The following ITGA9 variants were observed in gnomAD, a reference collection of about 807,000 sequenced individuals.
ITGA9 encodes the protein integrin subunit alpha 9, also known as integrin alpha-9.
A neutral mutation model predicts 127.8 loss-of-function variants in ITGA9; 56 were observed. The ratio of observed to expected loss-of-function variants is 0.44; its 90% CI spans 0.35 to 0.55. The LOEUF (loss-of-function observed/expected upper bound fraction) is 0.55, where lower values mean the gene tolerates loss of function less well. Ranked by LOEUF, ITGA9 falls within the 20% of genes least tolerant of loss-of-function variation. The probability of loss-of-function intolerance (pLI) is 0.00; values close to 1 mark genes in which losing one functional copy is unlikely to be tolerated. For missense variants in ITGA9, 1,196 were observed against 1,347.1 expected (o/e 0.89, Z 1.76); for synonymous variants, 508 against 514.5 (o/e 0.99, Z 0.17).
At chr3:37,758,329 C>A (rs1303280274) in intron 23 of ITGA9, among the ~76,000 whole-genome samples, 23 of 65,986 alleles carry the variant, frequency 3.5e-4, no homozygotes, top group East Asian at 3.0e-3. Flanking sequence ...GACTCCGTCT[C>A]AAAAAAAAAA....
At position 37,508,593 on chromosome 3, in the gene ITGA9, C is replaced by T. The variant is rs768227359; in HGVS notation, c.863C>T (p.Thr288Ile). 1 of 1,613,620 alleles carries T rather than the reference C, an allele frequency of 6.2e-7. No individual in the cohort carries two copies. The highest frequency in any genetic ancestry group is 8.5e-7 in the Non-Finnish European group (1 of 1,179,834). Residue 288 changes from threonine (T) to isoleucine (I), a missense_variant, in exon 8 of 28, where the codon ACC becomes ATC. Physicochemically the swap from Thr to Ile is moderately conservative, Grantham distance 89. Transcript: ENST00000264741. ...YIFRADRRSG[T>I]LIKIFQASGK... ...TTCAGAGCTGACCGAAGATCAGGCA[C>T]CTTAATTAAGATCTTTCAAGCATCA...
chr3:37,520,836 G>A (rs1313734581), intron 11 of ITGA9, among the ~76,000 whole-genome samples: 1 of 152,182 alleles, frequency 6.6e-6, no homozygotes, highest in African/African-American at 2.4e-5. Flanking sequence ...AGCGGTCAGG[G>A]TCATTCTCCA....
At chr3:37,591,476 T>TTGGGGAGC (rs1261874838) in intron 15 of ITGA9, among the ~76,000 whole-genome samples, 3 of 151,950 alleles carry the variant, frequency 2.0e-5, no homozygotes, top group Admixed American at 1.3e-4. Context: ...GCTGCCAGAG[T>TTGGGGAGC]TGGGGAGCTG....
At chr3:37,767,941 C>A (rs202160341) in intron 23 of ITGA9, among the ~76,000 whole-genome samples, 1 of 152,124 alleles carries the variant, frequency 6.6e-6, no homozygotes, top group East Asian at 1.9e-4. Flanking sequence ...AATCTAAGAT[C>A]ATTATTGCTG....
chr3:37,461,272 G>T (rs1698313749), intron 1 of ITGA9, among the ~76,000 whole-genome samples: 1 of 152,338 alleles, frequency 6.6e-6, no homozygotes, highest in Non-Finnish European at 1.5e-5. Flanking sequence ...GGCCAAGAGA[G>T]TGGGCTCCAG....
intron 5 of ITGA9, among the ~76,000 whole-genome samples, chr3:37,502,750 C>T (rs898003679): frequency 6.6e-6 from 1 of 152,150 alleles, no homozygotes; most frequent in African/African-American, 2.4e-5. Context: ...CGCATCAGGT[C>T]GGGGGAGTTG....
In ITGA9 at chr3:37,678,365, A is replaced by G. The variant is rs1050754738; in HGVS notation, c.1917-5500A>G. 3.3e-5 allele frequency among the ~76,000 whole-genome samples: 5 copies of G among 152,274 alleles called. No homozygotes were observed. In the East Asian group the frequency reaches 9.7e-4, roughly 29 times the overall value. ...CTGTTTTTTTGATAGTTGCCATCCT[A>G]ATAGTCATGAAGTGGGAAAAAATAG... On this transcript the variant is annotated intron_variant, in intron 17 of 27. Transcript: ENST00000264741.
chr3:37,642,376 T>A (rs953828459), intron 16 of ITGA9, among the ~76,000 whole-genome samples: 4 of 152,218 alleles, frequency 2.6e-5, no homozygotes, highest in African/African-American at 9.6e-5. Flanking sequence ...TTGCTATTGA[T>A]CCGCAACACC....
intron 19 of ITGA9, among the ~76,000 whole-genome samples, chr3:37,733,719 G>A (rs1364833947): frequency 6.6e-6 from 1 of 151,998 alleles, no homozygotes; most frequent in Non-Finnish European, 1.5e-5. Flanking sequence ...AAGCCCCATT[G>A]AATGCACCTC....
intron 15 of ITGA9, among the ~76,000 whole-genome samples, chr3:37,560,206 G>C (rs1054054429): frequency 1.3e-5 from 2 of 152,090 alleles, no homozygotes; most frequent in African/African-American, 4.8e-5. Context: ...GTAGTGTTTG[G>C]TTTTCTGTCC....
intron 9 of ITGA9, among the ~76,000 whole-genome samples, chr3:37,515,311 G>C (rs1698973111): frequency 6.6e-6 from 1 of 152,224 alleles, no homozygotes; most frequent in Admixed American, 6.5e-5. Flanking sequence ...GAAGTGTACT[G>C]TTAAGCAGTG....
At chr3:37,556,424 A>G (rs1699431701) in intron 15 of ITGA9, among the ~76,000 whole-genome samples, 1 of 152,240 alleles carries the variant, frequency 6.6e-6, no homozygotes. Flanking sequence ...AAGAAAATAG[A>G]AAGTATGGAG....
chr3:37,738,267 T>C (rs1696389572), intron 20 of ITGA9, among the ~76,000 whole-genome samples: 1 of 152,080 alleles, frequency 6.6e-6, no homozygotes, highest in African/African-American at 2.4e-5. Flanking sequence ...AGGGCTTCAG[T>C]GGGGAGGTAG....
At chr3:37,696,343 C>T (rs560135118) in intron 18 of ITGA9, among the ~76,000 whole-genome samples, 1 of 152,194 alleles carries the variant, frequency 6.6e-6, no homozygotes, top group Non-Finnish European at 1.5e-5. Flanking sequence ...AGTCTACTCC[C>T]TTCAGTATTT....
intron 14 of ITGA9, among the ~76,000 whole-genome samples, chr3:37,541,370 G>T (rs1033572006): frequency 1.1e-4 from 16 of 152,268 alleles, no homozygotes; most frequent in Middle Eastern, 3.4e-3. Flanking sequence ...AAAATAAAAA[G>T]GGTTACGGAG....
chr3:37,732,077 G>A (rs544651315), intron 18 of ITGA9, among the ~76,000 whole-genome samples: 2 of 152,252 alleles, frequency 1.3e-5, no homozygotes, highest in African/African-American at 4.8e-5. Flanking sequence ...CTTTGACCTT[G>A]GTTGGAAGCC....
At chr3:37,702,728 T>C (rs1282259222) in intron 18 of ITGA9, among the ~76,000 whole-genome samples, 2 of 151,954 alleles carry the variant, frequency 1.3e-5, no homozygotes, top group Non-Finnish European at 2.9e-5. Flanking sequence ...CTGCTAACCC[T>C]CATCTTAAGA....
At chr3:37,528,456 A>G (rs1370433740) in intron 13 of ITGA9, among the ~76,000 whole-genome samples, 1 of 152,212 alleles carries the variant, frequency 6.6e-6, no homozygotes, top group Non-Finnish European at 1.5e-5. Flanking sequence ...GAATAAGAGC[A>G]TGGAAGGCCC....
intron 1 of ITGA9, among the ~76,000 whole-genome samples, chr3:37,466,848 C>T (rs1423489788): frequency 6.6e-6 from 1 of 152,060 alleles, no homozygotes; most frequent in African/African-American, 2.4e-5. Flanking sequence ...ACACTCAGGC[C>T]CTTTTATGTG....
Sources: gnomAD v4.1 joint callset for allele counts (sites outside exome capture counted in the v4.1 genomes callset) on GRCh38, gnomAD v4.1.1 for gene constraint, MANE v1.5 for transcripts, NCBI Gene and HGNC (gene_info 2026-07-23, HGNC 2026-07-21) for gene names.